The following CFAP20DC variants were observed in gnomAD, a reference collection of about 807,000 sequenced individuals.
CFAP20DC encodes CFAP20 domain containing.
A neutral mutation model predicts 101.7 loss-of-function variants in CFAP20DC; 84 were observed. The observed-to-expected ratio is 0.83, with a 90% CI of 0.69 to 0.99. CFAP20DC has a LOEUF of 0.99. Ranked by LOEUF, CFAP20DC falls within the 50% of genes least tolerant of loss-of-function variation. The pLI is 0.00. For synonymous variants in CFAP20DC, 359 were observed against 351.2 expected (o/e 1.02, Z -0.25); for missense variants, 1,007 against 970.3 (o/e 1.04, Z -0.50).
At chr3:58,723,463 A>G (rs2067501005) in intron 3 of CFAP20DC, among the ~76,000 whole-genome samples, 1 of 152,262 alleles carries the variant, frequency 6.6e-6, no homozygotes, top group African/African-American at 2.4e-5. Flanking sequence ...TGGTATTTAT[A>G]TTCTCTCTTT....
chr3:58,717,751 T>C lies in CFAP20DC; in HGVS notation c.198-123A>G. 8.7e-6 allele frequency: 3 copies of C among 344,940 alleles called. No homozygotes were observed. Among genetic ancestry groups the C allele is most frequent in the South Asian group, 2.3e-5 (1 of 43,640 alleles). The allele number at this position is 344,940 out of a possible 1,614,324, so 21.4% of individuals were successfully genotyped here. ...CTTTTTCTGGAAGTCTCATCCTGAATACTTTGGCTGGCAACTTATTAGCTA... is the reference window on the plus strand; with the variant it reads ...CTTTTTCTGGAAGTCTCATCCTGAACACTTTGGCTGGCAACTTATTAGCTA... On this transcript the variant is annotated intron_variant, in intron 3 of 3. Coordinates refer to the CFAP20DC transcript ENST00000486145. The surrounding 1 kb of genome is among the most constrained non-coding windows in gnomAD (Gnocchi z 4.1).
intron 4 of CFAP20DC, among the ~76,000 whole-genome samples, chr3:59,029,224 C>A (rs966393354): frequency 1.3e-5 from 2 of 152,046 alleles, no homozygotes; most frequent in Admixed American, 1.3e-4. Flanking sequence ...GTGCTGGGCG[C>A]TGGGATATCA....
At chr3:58,814,566 T>A (rs1298347197) in intron 14 of CFAP20DC, among the ~76,000 whole-genome samples, 2 of 151,330 alleles carry the variant, frequency 1.3e-5, no homozygotes, top group Non-Finnish European at 1.5e-5. Context: ...GAAGTCAAAT[T>A]GTCTCTGTTT....
At chr3:58,880,584 A>C (rs2108620881) in intron 7 of CFAP20DC, among the ~76,000 whole-genome samples, 1 of 152,182 alleles carries the variant, frequency 6.6e-6, no homozygotes, top group East Asian at 1.9e-4. Context: ...GATTAAATGA[A>C]TTTAATATTT....
intron 7 of CFAP20DC, among the ~76,000 whole-genome samples, chr3:58,878,186 G>C (rs190347823): frequency 6.6e-6 from 1 of 152,302 alleles, no homozygotes; most frequent in Admixed American, 6.5e-5. Context: ...ACTAAAGCAG[G>C]AAGGGCCCTA....
At chr3:59,032,461 G>C (rs1486400421) in intron 4 of CFAP20DC, among the ~76,000 whole-genome samples, 1 of 152,096 alleles carries the variant, frequency 6.6e-6, no homozygotes, top group South Asian at 2.1e-4. Context: ...TGAAATTCTC[G>C]CTGCCAGCAC....
chr3:58,917,568 T>C (rs2084873603), intron 5 of CFAP20DC, among the ~76,000 whole-genome samples: 1 of 152,194 alleles, frequency 6.6e-6, no homozygotes, highest in Non-Finnish European at 1.5e-5. Flanking sequence ...CATTCTGTTT[T>C]CTCACTCCCA....
At chr3:58,787,986 G>C (rs1375061475) in intron 15 of CFAP20DC, among the ~76,000 whole-genome samples, 1 of 151,818 alleles carries the variant, frequency 6.6e-6, no homozygotes, top group Admixed American at 6.6e-5. Context: ...GGGGCCTGTT[G>C]GGGGGTGGGG....
chr3:58,836,343 A>G (rs1019271565), intron 13 of CFAP20DC, among the ~76,000 whole-genome samples: 2 of 152,216 alleles, frequency 1.3e-5, no homozygotes, highest in African/African-American at 2.4e-5. Context: ...CACAACAAAC[A>G]GAAACAACCT....
chr3:58,760,117 A>T (rs1266345017), intron 15 of CFAP20DC, among the ~76,000 whole-genome samples: 1 of 152,172 alleles, frequency 6.6e-6, no homozygotes, highest in African/African-American at 2.4e-5. Context: ...TCTATAAATT[A>T]CCTTGGGCAG....
At chr3:58,920,409 G>A (rs543324076) in intron 5 of CFAP20DC, among the ~76,000 whole-genome samples, 4 of 152,160 alleles carry the variant, frequency 2.6e-5, no homozygotes, top group African/African-American at 9.6e-5. Context: ...GGATAGTCTT[G>A]CCTTGTTTCC....
rs76408883 is a variant in CFAP20DC at position 58,956,170 on chromosome 3, C to T, written c.279-18408G>A. On this transcript the variant is annotated intron_variant, in intron 4 of 16. Coordinates refer to ENST00000482387, the MANE Select transcript of CFAP20DC (RefSeq NM_001394063.1). Reference sequence around the variant, plus strand: ...AATGAAAGGAAAAGTAATGGGATTTCGTCTTGTATCTTAGGTACCAGGTTG... The same window carrying T: ...AATGAAAGGAAAAGTAATGGGATTTTGTCTTGTATCTTAGGTACCAGGTTG... Among the ~76,000 whole-genome samples, 504 of 151,790 alleles carry T rather than the reference C, an allele frequency of 3.3e-3. 2 individuals carry two copies. The highest frequency in any genetic ancestry group is 0.012 in the African/African-American group (491 of 41,370).
Position 59,014,244 on chromosome 3 carries a change from C to T in CFAP20DC, c.278+25313G>A, listed in dbSNP as rs1292901124. 2.0e-5 allele frequency among the ~76,000 whole-genome samples: 3 copies of T among 152,040 alleles called. No homozygotes were observed. Among genetic ancestry groups the T allele is most frequent in the African/African-American group, 7.2e-5 (3 of 41,408 alleles). ...ACATAACAAAATGGGAAAAAAAGAT[C>T]GACCTTAAACTAGATTTCCAACATT... On this transcript the variant is annotated intron_variant, in intron 4 of 16. Coordinates refer to ENST00000482387, the MANE Select transcript of CFAP20DC (RefSeq NM_001394063.1). This position sits in a 1 kb window ranked among gnomAD's most constrained non-coding sequence, Gnocchi z 4.9.
rs867627891 is a variant in CFAP20DC, at chr3:58,989,550, T to C, written c.278+50007A>G. 5.3e-5 allele frequency among the ~76,000 whole-genome samples: 8 copies of C among 152,062 alleles called. No homozygotes were observed. In the South Asian group the frequency reaches 1.0e-3, roughly 20 times the overall value. On this transcript the variant is annotated intron_variant, in intron 4 of 16. Coordinates refer to ENST00000482387, the MANE Select transcript of CFAP20DC (RefSeq NM_001394063.1). ...ACTTTTTTAGATATTCCACTCTACC[T>C]AAGGAAGATAAAATTTTGTAATATA... is the stretch of plus-strand genomic sequence containing the variant.
intron 14 of CFAP20DC, among the ~76,000 whole-genome samples, chr3:58,831,452 TTGATA>T (rs2108047903): frequency 6.6e-6 from 1 of 152,374 alleles, no homozygotes; most frequent in South Asian, 2.1e-4. Flanking sequence ...AATGTGTGAT[TTGATA>T]TATCATCATA....
At chr3:58,791,439 G>T (rs377408171) in intron 15 of CFAP20DC, among the ~76,000 whole-genome samples, 78 of 152,160 alleles carry the variant, frequency 5.1e-4, no homozygotes, top group African/African-American at 1.7e-3. Context: ...CCAACCTTTT[G>T]ATTCTAGAGA....
intron 12 of CFAP20DC, chr3:58,862,978 G>A (rs1204144783): frequency 4.1e-6 from 4 of 966,706 alleles, no homozygotes; most frequent in Admixed American, 6.2e-5. Context: ...TAATTTATAG[G>A]ATATATCCAT....
At chr3:59,038,422 A>G (rs1039530624) in intron 4 of CFAP20DC, among the ~76,000 whole-genome samples, 29 of 152,308 alleles carry the variant, frequency 1.9e-4, no homozygotes, top group African/African-American at 7.0e-4. Flanking sequence ...AACTACCTAG[A>G]TGGAATGGAA....
chr3:58,849,656 T>C (rs116217625), intron 12 of CFAP20DC, among the ~76,000 whole-genome samples: 1 of 152,144 alleles, frequency 6.6e-6, no homozygotes, highest in Non-Finnish European at 1.5e-5. Flanking sequence ...TTTTTACTCA[T>C]GAAAAACAAG....
Sources: gnomAD v4.1 joint callset for allele counts (sites outside exome capture counted in the v4.1 genomes callset) on GRCh38, gnomAD v4.1.1 for gene constraint, Gnocchi (gnomAD v3.1) non-coding constraint, MANE v1.5 for transcripts, NCBI Gene and HGNC (gene_info 2026-07-23, HGNC 2026-07-21) for gene names.